The following CACNA1H variants were observed in gnomAD, a reference collection of about 807,000 sequenced individuals.
CACNA1H encodes the protein voltage-dependent T-type calcium channel subunit alpha-1H.
A neutral mutation model predicts 192.5 loss-of-function variants in CACNA1H; 149 were observed. The observed-to-expected ratio is 0.77, with a 90% CI of 0.68 to 0.89. CACNA1H has a LOEUF of 0.89. Ranked by LOEUF, CACNA1H falls within the 40% of genes least tolerant of loss-of-function variation. The pLI is 0.00. For missense variants in CACNA1H, 4,257 were observed against 3,423.5 expected, an observed-to-expected ratio of 1.24 and a Z score of -6.08; for synonymous variants, 2,202 against 1,475.2, an observed-to-expected ratio of 1.49 and a Z score of -11.29.
chr16:1,198,895 C>T, intron 6 of CACNA1H, 121 bp downstream of exon 6: 1 of 860,610 alleles, frequency 1.2e-6, no homozygotes, highest in Non-Finnish European at 1.8e-6. Flanking sequence ...ACCCGCCCCG[C>T]CACTGCTGTC....
chr16:1,190,617 G>A (rs1966517351), intron 2 of CACNA1H, among the ~76,000 whole-genome samples: 1 of 152,254 alleles, frequency 6.6e-6, no homozygotes, highest in East Asian at 1.9e-4. Context: ...ACGCCTGCCT[G>A]TCACGTCCTC....
intron 2 of CACNA1H, among the ~76,000 whole-genome samples, chr16:1,188,373 G>C (rs1236911073): frequency 6.6e-6 from 1 of 152,142 alleles, no homozygotes; most frequent in Non-Finnish European, 1.5e-5. Flanking sequence ...GCTCTGGGGA[G>C]AGGGGTCCCA....
intron 12 of CACNA1H, 92 bp from the exon 13 acceptor site, chr16:1,206,909 T>TCCCCCCCACCCCCCCCC: frequency 8.6e-6 from 1 of 116,612 alleles, no homozygotes; most frequent in Non-Finnish European, 1.6e-5. Flanking sequence ...GTCCTGCCCC[T>TCCCCCCCACCCCCCCCC]CCCTCCTCCC....
chr16:1,210,769 G>A lies in CACNA1H; in HGVS notation c.4039-18G>A. 1 of 1,598,726 alleles carries A rather than the reference G, an allele frequency of 6.3e-7. No homozygotes were observed. The highest frequency in any genetic ancestry group is 8.5e-7 in the Non-Finnish European group (1 of 1,179,132). On this transcript the variant is annotated intron_variant, in intron 20 of 34. Transcript: ENST00000348261. ...CCCCACGCCTGAGCCTGAGCTCAGT[G>A]CCATTGGCCCTCCGCAGGTGGTGGC... is the stretch of plus-strand genomic sequence containing the variant.
Position 1,220,550 on chromosome 16 carries a change from C to T in CACNA1H, c.6618C>T (p.Pro2206=), listed in dbSNP as rs755043976. The change falls in exon 35 of 35, where the codon CCC becomes CCT. Residue 2206 remains proline, a synonymous_variant. Transcript: ENST00000348261. ...CGGAGGACGAGGGCTCTGCGCGGCC[C>T]TCCGCGGCAGAGGGCGGCAGCACCA... ...PPAEDEGSAR[P]SAAEGGSTTL... The T allele has an allele frequency of 7.2e-5, 111 of 1,531,498 alleles. No individual in the cohort carries two copies. The highest frequency in any genetic ancestry group is 1.1e-4 in the African/African-American group (8 of 71,742). The allele number at this position is 1,531,498 out of a possible 1,614,324, so 94.9% of individuals were successfully genotyped here.
In CACNA1H at chr16:1,167,329, C is replaced by G. The variant is rs976408126; in HGVS notation, c.299+13293C>G. Among the ~76,000 whole-genome samples the G allele has an allele frequency of 6.6e-6, 1 of 151,962 alleles. No individual in the cohort carries two copies. Among genetic ancestry groups the G allele is most frequent in the Admixed American group, 6.5e-5 (1 of 15,284 alleles). On this transcript the variant is annotated intron_variant, in intron 2 of 34. Transcript: ENST00000348261. The surrounding 1 kb of genome is among the most constrained non-coding windows in gnomAD (Gnocchi z 4.2). ...ACCTTGGATTCCTGACACACGGGTG[C>G]GGGGGCGATATCGGCGCGGAGCGGG...
At chr16:1,176,090 T>C (rs1245241292) in intron 2 of CACNA1H, among the ~76,000 whole-genome samples, 5 of 152,248 alleles carry the variant, frequency 3.3e-5, no homozygotes, top group Non-Finnish European at 4.4e-5. Context: ...CTCTGATCTT[T>C]ACACCTCATC....
At position 1,220,261 on chromosome 16, in the gene CACNA1H, C is replaced by G. The variant is rs776298226; in HGVS notation, c.6329C>G (p.Pro2110Arg). Residue 2110 changes from proline (P) to arginine (R), a missense_variant, in exon 35 of 35, where the codon CCC (proline) becomes CGC (arginine). Transcript: ENST00000348261. ...AGCCACATCACCAGCTCCGCCTGCC[C>G]CTGGCAGCCCACAGCCGAGCCCCAT... is the stretch of plus-strand genomic sequence containing the variant. ...EVSHITSSAC[P>R]WQPTAEPHGP... is the part of the protein sequence containing the mutation. 6.3e-7 allele frequency: 1 copy of G among 1,587,118 alleles called. No homozygotes were observed. The highest frequency in any genetic ancestry group is 8.5e-7 in the Non-Finnish European group (1 of 1,172,822).
chr16:1,203,227 G>A (rs1968205821), intron 9 of CACNA1H, among the ~76,000 whole-genome samples: 1 of 152,214 alleles, frequency 6.6e-6, no homozygotes, highest in Non-Finnish European at 1.5e-5. Context: ...TGTGTTATAA[G>A]AGGCACACGG....
chr16:1,213,965 CTGGGGCACCCCCAG>C (rs1969765607), intron 27 of CACNA1H, 34 bp downstream of exon 27: 1 of 1,574,082 alleles, frequency 6.4e-7, no homozygotes, highest in Non-Finnish European at 8.6e-7. Context: ...GGCCCAGGGG[CTGGGGCACCCCCAG>C]TGGGGCAGCC....
chr16:1,205,590 A>T (rs1968598406), intron 11 of CACNA1H, among the ~76,000 whole-genome samples: 1 of 152,226 alleles, frequency 6.6e-6, no homozygotes, highest in Non-Finnish European at 1.5e-5. Context: ...GGGCCGAGCG[A>T]GAAAGACCAG....
In CACNA1H at chr16:1,209,345, G is replaced by C. The variant is rs1362450581; in HGVS notation, c.3677G>C (p.Ser1226Thr). Residue 1226 changes from serine to threonine, a missense_variant, in exon 17 of 35, where the codon AGC becomes ACC. Coordinates refer to ENST00000348261, the MANE Select transcript of CACNA1H (RefSeq NM_021098.3). ...GACGGGCAGGTGGTGGCCCTGCCCA[G>C]CGACTTCTTCCTGCGCATCGACAGC... ...DRDGQVVALP[S>T]DFFLRIDSHR... The C allele has an allele frequency of 1.3e-6, 2 of 1,597,912 alleles. No individual in the cohort carries two copies. Among genetic ancestry groups the C allele is most frequent in the South Asian group, 1.1e-5 (1 of 91,080 alleles).
At position 1,203,996 on chromosome 16, in the gene CACNA1H, G is replaced by T. The variant is rs749586073; in HGVS notation, c.2003-14G>T. The T allele has an allele frequency of 6.6e-7, 1 of 1,521,556 alleles. No homozygotes were observed. Among genetic ancestry groups the T allele is most frequent in the Admixed American group, 2.0e-5 (1 of 49,762 alleles). 94.3% of individuals were successfully genotyped at this position (1,521,556 alleles called of 1,614,324 possible). Reference sequence around the variant, plus strand: ...ACTGAGTGGGCCTGCCCCTGTCTGTGCCCTCTCCCGCAGGACTGGGCCAGG... The same window carrying T: ...ACTGAGTGGGCCTGCCCCTGTCTGTTCCCTCTCCCGCAGGACTGGGCCAGG... On this transcript the variant is annotated splice_polypyrimidine_tract_variant and intron_variant, in intron 9 of 34. Transcript: ENST00000348261.
At position 1,215,031 on chromosome 16, in the gene CACNA1H, G is replaced by T; in HGVS notation, c.4989G>T (p.Glu1663Asp). 6.2e-7 allele frequency: 1 copy of T among 1,613,116 alleles called. No homozygotes were observed. Among genetic ancestry groups the T allele is most frequent in the Non-Finnish European group, 8.5e-7 (1 of 1,179,564 alleles). Reference sequence around the variant, plus strand: ...TCTTCACCATCGTGTTTGTCTTCGAGGCTGCACTGAAGCTGGTAGCATTTG... The same window carrying T: ...TCTTCACCATCGTGTTTGTCTTCGATGCTGCACTGAAGCTGGTAGCATTTG... ...NYVFTIVFVF[E>D]AALKLVAFGF... Residue 1663 changes from glutamate (E) to aspartate (D), a missense_variant, in exon 28 of 35, where the codon GAG becomes GAT. By Grantham distance (45) the Glu-to-Asp change is conservative. Transcript: ENST00000348261.
intron 2 of CACNA1H, among the ~76,000 whole-genome samples, chr16:1,163,259 T>C (rs1963411226): frequency 6.6e-6 from 1 of 152,204 alleles, no homozygotes; most frequent in Non-Finnish European, 1.5e-5. Context: ...GGGGGTGGCC[T>C]CGGCCCAGCA....
chr16:1,177,907 T>C (rs911143905), intron 2 of CACNA1H, among the ~76,000 whole-genome samples: 5 of 151,816 alleles, frequency 3.3e-5, no homozygotes, highest in African/African-American at 9.7e-5. Flanking sequence ...CTGAACTCCA[T>C]GGGGACACAA....
At chr16:1,213,754 G>C (rs753110740) in intron 26 of CACNA1H, 26 bp from the exon 27 acceptor site, 4 of 1,511,930 alleles carry the variant, frequency 2.6e-6, no homozygotes, top group Non-Finnish European at 3.5e-6. Flanking sequence ...CCTCCTGCCC[G>C]GCGCTCATGG....
intron 4 of CACNA1H, 68 bp from the exon 5 acceptor site, chr16:1,195,858 G>C: frequency 8.1e-7 from 1 of 1,229,774 alleles, no homozygotes; most frequent in Non-Finnish European, 1.2e-6. Context: ...ACCCTACTTT[G>C]CACCCCAGCC....
intron 2 of CACNA1H, among the ~76,000 whole-genome samples, chr16:1,154,271 G>T (rs1961994299): frequency 6.6e-6 from 1 of 152,140 alleles, no homozygotes; most frequent in South Asian, 2.1e-4. Context: ...GGCCGGCTCC[G>T]GACGGAGAAG....
Sources: allele counts gnomAD v4.1 joint callset (sites outside exome capture counted in the v4.1 genomes callset), GRCh38; gene constraint gnomAD v4.1.1; non-coding constraint Gnocchi (gnomAD v3.1); transcripts MANE v1.5; gene names NCBI Gene and HGNC (gene_info 2026-07-23, HGNC 2026-07-21).